The following RINT1 variants were observed in gnomAD, a reference collection of about 807,000 sequenced individuals.
RINT1 encodes RAD50-interacting protein 1.
Under a neutral mutation model 97.7 loss-of-function variants are expected in RINT1, and 75 were observed. The ratio of observed to expected loss-of-function variants is 0.77; its 90% CI spans 0.64 to 0.93. The LOEUF (loss-of-function observed/expected upper bound fraction) is 0.93, where lower values mean the gene tolerates loss of function less well. Among genes scored for constraint, RINT1 ranks in the 40% least tolerant of loss-of-function variants. The pLI, the probability that RINT1 is intolerant of heterozygous loss-of-function variation, is 0.00. For synonymous variants in RINT1, 303 were observed against 326.3 expected (o/e 0.93, Z 0.77); for missense variants, 892 against 925.2 (o/e 0.96, Z 0.47).
intron 11 of RINT1, among the ~76,000 whole-genome samples, chr7:105,561,756 T>G (rs1385679711): frequency 6.6e-6 from 1 of 152,002 alleles, no homozygotes; most frequent in African/African-American, 2.4e-5. Context: ...GAGATGGCAT[T>G]TCACTATGTT....
chr7:105,536,481 G>A, intron 2 of RINT1, 84 bp from the exon 3 acceptor site: 1 of 1,039,454 alleles, frequency 9.6e-7, no homozygotes, highest in Non-Finnish European at 1.4e-6. Flanking sequence ...TTTGAAGGCA[G>A]ATAAACTGCT....
At position 105,560,662 on chromosome 7, in the gene RINT1, A is replaced by G. The variant is rs151128271; in HGVS notation, c.1672-3071A>G. The stretch of plus-strand genomic sequence containing the variant: ...TAATTAGTTTTATTTCAAGAACTTT[A>G]AAAGAAAAGCAACTGAAAATTCTTA... On this transcript the variant is annotated intron_variant, in intron 11 of 14. Coordinates refer to ENST00000257700, the MANE Select transcript of RINT1 (RefSeq NM_021930.6). Among the ~76,000 whole-genome samples, 307 of 152,328 alleles carry G rather than the reference A, an allele frequency of 2.0e-3. 2 individuals carry two copies. The highest frequency in any genetic ancestry group is 7.0e-3 in the African/African-American group (293 of 41,574).
chr7:105,558,125 G>A (rs1046494423), intron 11 of RINT1, among the ~76,000 whole-genome samples: 1 of 151,932 alleles, frequency 6.6e-6, no homozygotes, highest in Non-Finnish European at 1.5e-5. Context: ...GACCAGCCTG[G>A]CCAACATGGT....
chr7:105,539,143 A>C (rs1790359470), intron 3 of RINT1, among the ~76,000 whole-genome samples: 1 of 152,012 alleles, frequency 6.6e-6, no homozygotes, highest in Non-Finnish European at 1.5e-5. Context: ...TCCTTATTGA[A>C]CCTTAAATTC....
intron 3 of RINT1, among the ~76,000 whole-genome samples, chr7:105,539,938 G>T (rs145672657): frequency 4.6e-5 from 7 of 152,136 alleles, no homozygotes; most frequent in African/African-American, 9.7e-5. Flanking sequence ...TATTTCTAGC[G>T]CAGTGCCTGG....
intron 4 of RINT1, among the ~76,000 whole-genome samples, chr7:105,546,343 G>T (rs2133384606): frequency 6.6e-6 from 1 of 152,250 alleles, no homozygotes; most frequent in Middle Eastern, 3.4e-3. Context: ...GGAAGGGAAA[G>T]GTCCCGGGAG....
chr7:105,547,371 T>G, intron 6 of RINT1, 38 bp downstream of exon 6: 1 of 1,604,558 alleles, frequency 6.2e-7, no homozygotes, highest in Non-Finnish European at 8.5e-7. Context: ...TAAAATTTCT[T>G]TTTTCTAGAA....
chr7:105,550,218 A>G (rs1438953942), intron 8 of RINT1, 43 bp from the exon 9 acceptor site: 1 of 1,606,422 alleles, frequency 6.2e-7, no homozygotes, highest in Non-Finnish European at 8.5e-7. Context: ...GTGTGCATGG[A>G]TAACTTTTTA....
At chr7:105,559,266 CA>C (rs1791321623) in intron 11 of RINT1, among the ~76,000 whole-genome samples, 1 of 151,256 alleles carries the variant, frequency 6.6e-6, no homozygotes, top group Admixed American at 6.6e-5. Flanking sequence ...CGTGGCTGGG[CA>C]CGGTAGTTGT....
chr7:105,542,719 G>C (rs1240739178), intron 4 of RINT1, 70 bp downstream of exon 4: 2 of 1,464,774 alleles, frequency 1.4e-6, no homozygotes, highest in Non-Finnish European at 9.1e-7. Context: ...GAGTACATGT[G>C]TGCCATTAAA....
At chr7:105,549,867 A>C (rs1307739607) in intron 7 of RINT1, among the ~76,000 whole-genome samples, 188 bp from the exon 8 acceptor site, 1 of 152,206 alleles carries the variant, frequency 6.6e-6, no homozygotes, top group Non-Finnish European at 1.5e-5. Flanking sequence ...TTGGGAGTAC[A>C]TTAGCAAACA....
chr7:105,564,074 A>T, intron 12 of RINT1, 127 bp downstream of exon 12: 1 of 661,616 alleles, frequency 1.5e-6, no homozygotes, highest in Non-Finnish European at 2.6e-6. Context: ...TGATGGAAAT[A>T]TTTCTAAAGT....
In RINT1 at chr7:105,567,669, T is replaced by A. The variant is rs555363176; in HGVS notation, c.*358T>A. The A allele has an allele frequency of 3.8e-6, 2 of 519,990 alleles. No homozygotes were observed. The highest frequency in any genetic ancestry group is 1.9e-5 in the African/African-American group (1 of 51,612). The allele number at this position is 519,990 out of a possible 1,614,324, so 32.2% of individuals were successfully genotyped here. ...ATCAAACATAGCCAATAAATTTTTT[T>A]AAAACTCCCTTTGAATGCATATTTG... On this transcript the variant is annotated 3_prime_UTR_variant, in exon 15 of 15. Transcript: ENST00000257700.
chr7:105,550,539 T>G, intron 9 of RINT1, 53 bp downstream of exon 9: 1 of 1,313,062 alleles, frequency 7.6e-7, no homozygotes. Context: ...TCTGTGGGTA[T>G]ACATTTTTGA....
intron 7 of RINT1, 65 bp from the exon 8 acceptor site, chr7:105,549,990 C>T: frequency 6.9e-6 from 7 of 1,018,224 alleles, no homozygotes; most frequent in Non-Finnish European, 1.0e-5. Flanking sequence ...TTAAATAGAA[C>T]CATGTAATTG....
chr7:105,538,385 T>A (rs1324437236), intron 3 of RINT1, among the ~76,000 whole-genome samples: 1 of 152,180 alleles, frequency 6.6e-6, no homozygotes, highest in Non-Finnish European at 1.5e-5. Flanking sequence ...TATTCTCCTG[T>A]CCCCATTACC....
At chr7:105,538,476 C>T (rs536503341) in intron 3 of RINT1, among the ~76,000 whole-genome samples, 2 of 152,326 alleles carry the variant, frequency 1.3e-5, no homozygotes, top group East Asian at 1.9e-4. Context: ...TGCCTTTTCA[C>T]TCCTGCAGGC....
chr7:105,547,127 G>T lies in RINT1; in HGVS notation c.689+44G>T, dbSNP rs752972550. On this transcript the variant is annotated intron_variant, in intron 5 of 14. Transcript: ENST00000257700. ...TTTTGTGGTAATTGCTTTCCGATGG[G>T]TATTTGGTGATCATTTGGTGATGTA... The T allele has an allele frequency of 2.5e-6, 4 of 1,613,436 alleles. 1 individual carries two copies. Among genetic ancestry groups the T allele is most frequent in the South Asian group, 2.2e-5 (2 of 91,032 alleles).
rs143184349 is a variant in RINT1, at chr7:105,555,075, G to T, written c.1519G>T (p.Glu507Ter). ...PTASRKLQFL[E>*]LQKDLVDDFR... ...AGCTTCCCGAAAGCTTCAGTTCCTGGAGTTACAGAAGGACTTAGTAGATGA... is the reference window on the plus strand; with the variant it reads ...AGCTTCCCGAAAGCTTCAGTTCCTGTAGTTACAGAAGGACTTAGTAGATGA... Residue 507 changes from glutamate to a stop codon, truncating the protein, a stop_gained, in exon 11 of 15, where the codon GAG (glutamate) becomes TAG (stop). Coordinates refer to ENST00000257700, the MANE Select transcript of RINT1 (RefSeq NM_021930.6). LOFTEE classifies it high-confidence loss of function. The T allele has an allele frequency of 6.2e-7, 1 of 1,613,994 alleles. No homozygotes were observed. The highest frequency in any genetic ancestry group is 8.5e-7 in the Non-Finnish European group (1 of 1,179,998).
Sources: allele counts gnomAD v4.1 joint callset (sites outside exome capture counted in the v4.1 genomes callset), GRCh38; gene constraint gnomAD v4.1.1; transcripts MANE v1.5; gene names NCBI Gene and HGNC (gene_info 2026-07-23, HGNC 2026-07-21).